Variants in FHIT observed in about 807,000 individuals in gnomAD.
The protein encoded by FHIT is bis(5'-adenosyl)-triphosphatase.
A neutral mutation model predicts 17.9 loss-of-function variants in FHIT; 19 were observed. That is an observed-to-expected ratio of 1.06 (90% CI 0.74 to 1.56). FHIT has a LOEUF of 1.56. Ranked by LOEUF, FHIT falls within the 40% of genes most tolerant of loss-of-function variation. FHIT has a pLI of 0.00. For synonymous variants in FHIT, 81 were observed against 69.7 expected, an observed-to-expected ratio of 1.16 and a Z score of -0.81; for missense variants, 248 against 189.2, an observed-to-expected ratio of 1.31 and a Z score of -1.82.
At chr3:59,750,191 G>T (rs1214611382) in intron 9 of FHIT, 1 of 225,682 alleles carries the variant, frequency 4.4e-6, no homozygotes, top group Non-Finnish European at 8.8e-6. Flanking sequence ...GGAAATTTGG[G>T]TAATAAGTTT....
intron 4 of FHIT, among the ~76,000 whole-genome samples, chr3:60,545,248 G>T (rs1463182983): frequency 1.3e-5 from 2 of 152,050 alleles, no homozygotes; most frequent in Admixed American, 6.6e-5. Flanking sequence ...GGTACATGGA[G>T]ATGTTTTTTC....
intron 5 of FHIT, among the ~76,000 whole-genome samples, chr3:60,069,295 G>C (rs1431728325): frequency 6.6e-6 from 1 of 152,100 alleles, no homozygotes; most frequent in Non-Finnish European, 1.5e-5. Context: ...TGTGTATTAA[G>C]TGTATTATAA....
chr3:60,542,810 G>A (rs551675580), intron 4 of FHIT, among the ~76,000 whole-genome samples: 216 of 152,002 alleles, frequency 1.4e-3, no homozygotes, highest in Non-Finnish European at 2.8e-3. Flanking sequence ...AAATCTCTCC[G>A]AACAAATCCC....
chr3:60,073,495 G>A (rs570730369), intron 5 of FHIT, among the ~76,000 whole-genome samples: 5 of 151,994 alleles, frequency 3.3e-5, no homozygotes, highest in East Asian at 1.9e-4. Context: ...GCTTATGTTC[G>A]TCTCACGTTT....
At chr3:60,885,203 T>C (rs2107145754) in intron 3 of FHIT, among the ~76,000 whole-genome samples, 1 of 152,328 alleles carries the variant, frequency 6.6e-6, no homozygotes, top group Middle Eastern at 3.4e-3. Context: ...GAATTTGAAA[T>C]GTTCCTAACA....
intron 4 of FHIT, among the ~76,000 whole-genome samples, chr3:60,749,108 G>A (rs1195434723): frequency 1.3e-5 from 2 of 152,068 alleles, no homozygotes; most frequent in Non-Finnish European, 2.9e-5. Context: ...AGATAAGAAA[G>A]TTTGTAATAA....
Position 60,517,989 on chromosome 3 carries a change from C to G in FHIT, c.103+18871G>C, listed in dbSNP as rs190402076. On this transcript the variant is annotated intron_variant, in intron 5 of 9. Transcript: ENST00000492590. ...AGATACAGTGAATTTTTAAAGCATGCCTATGAAGTTCCATGAACTTGTTGG... is the reference window on the plus strand; with the variant it reads ...AGATACAGTGAATTTTTAAAGCATGGCTATGAAGTTCCATGAACTTGTTGG... 5.8e-4 allele frequency among the ~76,000 whole-genome samples: 88 copies of G among 152,114 alleles called. 2 individuals carry two copies. The South Asian group carries it at 0.018, about 31-fold the overall frequency.
chr3:59,785,082 A>G (rs13085067), intron 8 of FHIT, among the ~76,000 whole-genome samples: 38,799 of 151,764 alleles, frequency 0.26, 5,351 homozygotes, highest in South Asian at 0.43. Context: ...CTTTTAAACA[A>G]CCAGATCTCA....
Position 60,156,821 on chromosome 3 carries a change from C to T in FHIT, c.104-142669G>A, listed in dbSNP as rs75464262. ...ATAATGCCAATCTATTCCTCTTCAA[C>T]GTTTTGATCTAATGTATGAATTGTG... On this transcript the variant is annotated intron_variant, in intron 5 of 9. Coordinates refer to ENST00000492590, the MANE Select transcript of FHIT (RefSeq NM_002012.4). 6.0e-3 allele frequency among the ~76,000 whole-genome samples: 909 copies of T among 152,168 alleles called. 30 individuals are homozygous for T. Among genetic ancestry groups the T allele is most frequent in the South Asian group, 0.049 (237 of 4,826 alleles).
chr3:60,065,915 C>A (rs1196956232), intron 5 of FHIT, among the ~76,000 whole-genome samples: 1 of 152,178 alleles, frequency 6.6e-6, no homozygotes, highest in Non-Finnish European at 1.5e-5. Context: ...TGAATTTGAT[C>A]ATGGTTCCAG....
chr3:59,860,703 T>C (rs1702367654), intron 8 of FHIT, among the ~76,000 whole-genome samples: 2 of 152,190 alleles, frequency 1.3e-5, no homozygotes, highest in Non-Finnish European at 2.9e-5. Flanking sequence ...AGATAAAACA[T>C]CTACATAAAT....
At chr3:60,417,558 AT>A (rs1702297649) in intron 5 of FHIT, among the ~76,000 whole-genome samples, 1 of 152,226 alleles carries the variant, frequency 6.6e-6, no homozygotes, top group Non-Finnish European at 1.5e-5. Context: ...AGAACACATA[AT>A]TAAAAGCACT....
intron 4 of FHIT, among the ~76,000 whole-genome samples, chr3:60,692,036 A>G (rs1340703346): frequency 1.3e-5 from 2 of 152,196 alleles, no homozygotes; most frequent in East Asian, 1.9e-4. Context: ...TTAAACATAA[A>G]TCTCTTACAG....
At chr3:60,987,829 G>A (rs1454496263) in intron 3 of FHIT, among the ~76,000 whole-genome samples, 1 of 152,200 alleles carries the variant, frequency 6.6e-6, no homozygotes, top group East Asian at 1.9e-4. Context: ...GATTGAAATT[G>A]AGTCCATAAA....
At chr3:60,831,981 C>G (rs1702348477) in intron 3 of FHIT, among the ~76,000 whole-genome samples, 1 of 152,136 alleles carries the variant, frequency 6.6e-6, no homozygotes, top group Non-Finnish European at 1.5e-5. Flanking sequence ...AGCTTCTTCT[C>G]TAAGCCTCAG....
chr3:60,174,499 C>T (rs183621476), intron 5 of FHIT, among the ~76,000 whole-genome samples: 2 of 152,008 alleles, frequency 1.3e-5, no homozygotes, highest in Non-Finnish European at 2.9e-5. Context: ...GCCTTTCTAA[C>T]TGGAAAAAAA....
intron 4 of FHIT, among the ~76,000 whole-genome samples, chr3:60,719,809 T>C (rs1439658539): frequency 2.0e-5 from 3 of 152,146 alleles, no homozygotes; most frequent in Non-Finnish European, 4.4e-5. Context: ...TTTGAATCCA[T>C]CCTCAAGTCC....
intron 3 of FHIT, among the ~76,000 whole-genome samples, chr3:60,834,819 C>T (rs562988056): frequency 1.3e-5 from 2 of 149,362 alleles, no homozygotes; most frequent in African/African-American, 4.9e-5. Context: ...GAGCCGAGAT[C>T]GTGCCACTGC....
chr3:60,123,987 TATATATATATATATATATATA>T (rs1559653390), intron 5 of FHIT, among the ~76,000 whole-genome samples: 4 of 52,244 alleles, frequency 7.7e-5, no homozygotes, highest in Admixed American at 2.3e-4. Flanking sequence ...TATATATATA[TATATATATATATATATATATA>T]TAGAGAGAGA....
Sources: allele counts gnomAD v4.1 joint callset (sites outside exome capture counted in the v4.1 genomes callset), GRCh38; gene constraint gnomAD v4.1.1; transcripts MANE v1.5; gene names NCBI Gene and HGNC (gene_info 2026-07-23, HGNC 2026-07-21).